Variants in MANBA observed in about 807,000 individuals in gnomAD.
The protein encoded by MANBA is mannosidase beta, also known as beta-mannosidase.
Under a neutral mutation model 111.1 loss-of-function variants are expected in MANBA, and 83 were observed. That is an observed-to-expected ratio of 0.75 (90% CI 0.63 to 0.90). The LOEUF (loss-of-function observed/expected upper bound fraction) is 0.90. Ranked by LOEUF, MANBA falls within the 40% of genes least tolerant of loss-of-function variation. The pLI, the probability that MANBA is intolerant of heterozygous loss-of-function variation, is 0.00. For synonymous variants in MANBA, 370 were observed against 378.7 expected, an observed-to-expected ratio of 0.98 and a Z score of 0.27; for missense variants, 1,036 against 1,069.0, an observed-to-expected ratio of 0.97 and a Z score of 0.43.
chr4:102,684,703 C>T (rs779359729), intron 7 of MANBA, among the ~76,000 whole-genome samples: 17 of 152,044 alleles, frequency 1.1e-4, no homozygotes, highest in South Asian at 2.1e-4. Flanking sequence ...CAGATAGTAC[C>T]GAACCCCATA....
chr4:102,744,788 G>A (rs950530966), intron 1 of MANBA, among the ~76,000 whole-genome samples: 1 of 152,192 alleles, frequency 6.6e-6, no homozygotes, highest in South Asian at 2.1e-4. Context: ...AGACTTTCAG[G>A]TCCTTGATGG....
intron 10 of MANBA, chr4:102,667,853 C>T (rs1298118102): frequency 6.6e-6 from 1 of 152,198 alleles, no homozygotes; most frequent in Non-Finnish European, 1.5e-5. Context: ...TTGTTTCCTT[C>T]TTTAACATGT....
chr4:102,659,454 C>A (rs75653990), intron 11 of MANBA, among the ~76,000 whole-genome samples: 1,710 of 152,164 alleles, frequency 0.011, 23 homozygotes, highest in African/African-American at 0.039. Context: ...AAAAAAAAAT[C>A]CTTAACCCTT....
chr4:102,708,743 C>T (rs953247335), intron 5 of MANBA, among the ~76,000 whole-genome samples: 1 of 151,186 alleles, frequency 6.6e-6, no homozygotes, highest in Non-Finnish European at 1.5e-5. Context: ...ATTGATAAAC[C>T]CCTATGTAGA....
At chr4:102,705,120 C>G (rs1733238029) in intron 5 of MANBA, among the ~76,000 whole-genome samples, 4 of 152,084 alleles carry the variant, frequency 2.6e-5, no homozygotes, top group Admixed American at 2.0e-4. Context: ...AGGAAGGAAC[C>G]CTGCTTAGCA....
At chr4:102,678,164 G>A (rs1429983893) in intron 7 of MANBA, among the ~76,000 whole-genome samples, 2 of 152,088 alleles carry the variant, frequency 1.3e-5, no homozygotes, top group African/African-American at 4.8e-5. Flanking sequence ...CTGTGCAAAT[G>A]TTCTTATAAA....
chr4:102,646,630 G>A (rs1730116873), intron 13 of MANBA, among the ~76,000 whole-genome samples: 1 of 152,136 alleles, frequency 6.6e-6, no homozygotes. Context: ...AAGAGGCCGT[G>A]CTGGTAGAGT....
chr4:102,759,733 A>G (rs1476524318), intron 1 of MANBA, among the ~76,000 whole-genome samples: 1 of 152,210 alleles, frequency 6.6e-6, no homozygotes, highest in African/African-American at 2.4e-5. Context: ...CACATAGTAT[A>G]GAGACCAGGC....
intron 2 of MANBA, among the ~76,000 whole-genome samples, chr4:102,725,492 A>C (rs1222229083): frequency 6.6e-6 from 1 of 152,218 alleles, no homozygotes; most frequent in Non-Finnish European, 1.5e-5. Context: ...AGGTGCGGGC[A>C]GTGTTACAGG....
At chr4:102,700,974 T>C (rs1417943691) in intron 5 of MANBA, among the ~76,000 whole-genome samples, 1 of 152,020 alleles carries the variant, frequency 6.6e-6, no homozygotes, top group African/African-American at 2.4e-5. Context: ...AAGTCTCCCA[T>C]TATTAATGTG....
chr4:102,672,765 G>A lies in MANBA; in HGVS notation c.1112+1154C>T, dbSNP rs1335957057. ...CACTATTGTGAACTGTGCATGCGAA[G>A]GATACAGGTTGCATGCTCCTTATGA... On this transcript the variant is annotated intron_variant, in intron 8 of 16. Transcript: ENST00000647097. Among the ~76,000 whole-genome samples the A allele has an allele frequency of 3.9e-5, 6 of 152,282 alleles. No individual in the cohort carries two copies. In the South Asian group the frequency reaches 8.3e-4, roughly 21 times the overall value.
intron 14 of MANBA, among the ~76,000 whole-genome samples, chr4:102,638,115 A>G (rs1343945323): frequency 6.6e-6 from 1 of 152,086 alleles, no homozygotes; most frequent in African/African-American, 2.4e-5. Flanking sequence ...GTTGTTGTGG[A>G]GTGAGGGAAT....
intron 5 of MANBA, among the ~76,000 whole-genome samples, chr4:102,704,913 T>C (rs1206651200): frequency 6.6e-6 from 1 of 152,228 alleles, no homozygotes; most frequent in Non-Finnish European, 1.5e-5. Flanking sequence ...AACATATATT[T>C]CTCTATGTTA....
intron 5 of MANBA, among the ~76,000 whole-genome samples, chr4:102,706,238 G>A (rs1283936780): frequency 3.9e-5 from 6 of 152,194 alleles, no homozygotes; most frequent in South Asian, 2.1e-4. Context: ...TGCCACCAGT[G>A]AAGTCCAAGG....
chr4:102,707,949 C>T (rs1008764073), intron 5 of MANBA, among the ~76,000 whole-genome samples: 1 of 151,900 alleles, frequency 6.6e-6, no homozygotes, highest in Non-Finnish European at 1.5e-5. Flanking sequence ...TGATCAAATC[C>T]ACAAGAGAAT....
intron 1 of MANBA, among the ~76,000 whole-genome samples, chr4:102,732,745 A>C (rs1232313531): frequency 1.3e-5 from 2 of 152,224 alleles, no homozygotes; most frequent in Non-Finnish European, 2.9e-5. Context: ...CGGCCTCTCC[A>C]ATGAACAAAC....
At chr4:102,668,107 C>A (rs1731306844) in intron 10 of MANBA, 1 of 152,188 alleles carries the variant, frequency 6.6e-6, no homozygotes, top group African/African-American at 2.4e-5. Flanking sequence ...TACATGGAAA[C>A]CCATGCCATG....
At chr4:102,726,325 G>GA (rs1194980300) in intron 2 of MANBA, among the ~76,000 whole-genome samples, 1 of 151,974 alleles carries the variant, frequency 6.6e-6, no homozygotes, top group Non-Finnish European at 1.5e-5. Context: ...ATAACCACTG[G>GA]AAAAATGACT....
At position 102,760,868 on chromosome 4, in the gene MANBA, G is replaced by C. The variant is rs149830550; in HGVS notation, c.27C>G (p.Leu9=). The C allele has an allele frequency of 1.3e-6, 2 of 1,570,480 alleles. No individual in the cohort carries two copies. Among genetic ancestry groups the C allele is most frequent in the African/African-American group, 2.7e-5 (2 of 74,256 alleles). The change falls in exon 1 of 17, where the codon CTC becomes CTG. Residue 9 remains leucine, a synonymous_variant. Coordinates refer to ENST00000647097, the MANE Select transcript of MANBA (RefSeq NM_005908.4). ...CGGTGGTGCCTGCACCGCACAGCGC[G>C]AGCAGCAGGAGCAGGTGGAGGCGCA... The part of the protein sequence containing the change: MRLHLLLL[L]ALCGAGTTAA...
Sources: gnomAD v4.1 joint callset for allele counts (sites outside exome capture counted in the v4.1 genomes callset) on GRCh38, gnomAD v4.1.1 for gene constraint, MANE v1.5 for transcripts, NCBI Gene and HGNC (gene_info 2026-07-23, HGNC 2026-07-21) for gene names.